POU2F1: variants seen among roughly 807,000 people sequenced by gnomAD.
POU2F1 encodes the protein POU class 2 homeobox 1, also known as POU domain, class 2, transcription factor 1.
A neutral mutation model predicts 84.9 loss-of-function variants in POU2F1; 16 were observed. That is an observed-to-expected ratio of 0.19 (90% CI 0.13 to 0.29). The LOEUF is 0.29. POU2F1 is among the 10% of genes least tolerant of loss of function. The pLI, the probability that POU2F1 is intolerant of heterozygous loss-of-function variation, is 1.00. For missense variants in POU2F1, 738 were observed against 942.6 expected (o/e 0.78, Z 2.84); for synonymous variants, 368 against 368.3 (o/e 1.00, Z 0.01).
intron 2 of POU2F1, among the ~76,000 whole-genome samples, chr1:167,336,313 TGTGA>T (rs1657441012): frequency 6.6e-6 from 1 of 152,236 alleles, no homozygotes; most frequent in African/African-American, 2.4e-5. Flanking sequence ...TCTCAAGTAT[TGTGA>T]GTATCCATTT....
chr1:167,319,138 G>C (rs1323878996), intron 1 of POU2F1: 1 of 153,582 alleles, frequency 6.5e-6, no homozygotes, highest in Non-Finnish European at 1.5e-5. Flanking sequence ...TGCAACCAGG[G>C]GGTTTTTGGG....
chr1:167,228,306 G>C (rs1241173466), intron 1 of POU2F1, among the ~76,000 whole-genome samples: 3 of 152,194 alleles, frequency 2.0e-5, no homozygotes, highest in African/African-American at 7.2e-5. Context: ...GTTTGAAATA[G>C]GAAGGGAGAG....
At chr1:167,314,072 A>G (rs1655702368) in intron 1 of POU2F1, among the ~76,000 whole-genome samples, 1 of 152,040 alleles carries the variant, frequency 6.6e-6, no homozygotes, top group African/African-American at 2.4e-5. Context: ...GGTGGCATGC[A>G]CCTGTAATCC....
At chr1:167,288,701 C>CA (rs1317166195) in intron 1 of POU2F1, among the ~76,000 whole-genome samples, 4 of 151,946 alleles carry the variant, frequency 2.6e-5, no homozygotes, top group South Asian at 2.1e-4. Context: ...ACAGCAACAA[C>CA]AAAAAAACAA....
chr1:167,227,623 T>G (rs912541395), intron 1 of POU2F1, among the ~76,000 whole-genome samples: 25 of 152,172 alleles, frequency 1.6e-4, no homozygotes, highest in Non-Finnish European at 3.7e-4. Flanking sequence ...ATATTATAAT[T>G]AATGTTTTAA....
chr1:167,302,473 G>T (rs1208481666), intron 1 of POU2F1, among the ~76,000 whole-genome samples: 1 of 151,992 alleles, frequency 6.6e-6, no homozygotes, highest in Non-Finnish European at 1.5e-5. Flanking sequence ...TGGCTAAGAG[G>T]GTCTCCTTCT....
intron 2 of POU2F1, among the ~76,000 whole-genome samples, chr1:167,335,183 A>G (rs1002740064): frequency 5.9e-5 from 9 of 152,228 alleles, no homozygotes; most frequent in Non-Finnish European, 1.0e-4. Flanking sequence ...AAGTACTATA[A>G]TCAGTGTTAT....
intron 1 of POU2F1, among the ~76,000 whole-genome samples, chr1:167,267,612 G>C (rs1652058854): frequency 7.7e-6 from 1 of 130,020 alleles, no homozygotes; most frequent in African/African-American, 2.8e-5. Context: ...CATTGTGAAA[G>C]TATCACAGTT....
chr1:167,404,647 A>G (rs950712383), intron 13 of POU2F1, among the ~76,000 whole-genome samples: 1 of 152,108 alleles, frequency 6.6e-6, no homozygotes, highest in Non-Finnish European at 1.5e-5. Context: ...TGTGAGAGCT[A>G]TTATGTGAAT....
At chr1:167,269,843 G>A (rs1452848216) in intron 1 of POU2F1, among the ~76,000 whole-genome samples, 1 of 149,816 alleles carries the variant, frequency 6.7e-6, no homozygotes, top group Non-Finnish European at 1.5e-5. Flanking sequence ...GAACCTGGGT[G>A]ACAGAGGTTG....
chr1:167,389,762 G>A lies in POU2F1; in HGVS notation c.987+1G>A. On this transcript the variant is annotated splice_donor_variant, in intron 9 of 15. Coordinates refer to ENST00000367866, the MANE Select transcript of POU2F1 (RefSeq NM_002697.4). LOFTEE classifies it high-confidence loss of function. ...ACGAATCAAACTTGGATTCACTCAG[G>A]TAGGGTGAATTGGCCTTACATTGAT... The A allele has an allele frequency of 6.2e-7, 1 of 1,612,310 alleles. No individual in the cohort carries two copies. The highest frequency in any genetic ancestry group is 8.5e-7 in the Non-Finnish European group (1 of 1,179,120).
chr1:167,275,519 G>C (rs1326769180), intron 1 of POU2F1, among the ~76,000 whole-genome samples: 1 of 152,096 alleles, frequency 6.6e-6, no homozygotes, highest in African/African-American at 2.4e-5. Flanking sequence ...GCCAAATACT[G>C]TGTCTAATTC....
At chr1:167,345,705 C>T (rs917822656) in intron 2 of POU2F1, among the ~76,000 whole-genome samples, 6 of 152,106 alleles carry the variant, frequency 3.9e-5, no homozygotes, top group African/African-American at 1.2e-4. Context: ...TAATTTTCTC[C>T]ACCAACAAAA....
intron 9 of POU2F1, among the ~76,000 whole-genome samples, chr1:167,393,024 C>A (rs1648535716): frequency 6.6e-6 from 1 of 152,142 alleles, no homozygotes; most frequent in South Asian, 2.1e-4. Context: ...TAAAGGATTA[C>A]CATGGCTGTC....
At chr1:167,337,173 A>T (rs1343341362) in intron 2 of POU2F1, among the ~76,000 whole-genome samples, 1 of 151,766 alleles carries the variant, frequency 6.6e-6, no homozygotes, top group Admixed American at 6.6e-5. Flanking sequence ...CAAAAGAAAA[A>T]AAAAAAAGCT....
intron 2 of POU2F1, among the ~76,000 whole-genome samples, chr1:167,350,293 G>C (rs138073789): frequency 1.8e-4 from 28 of 152,094 alleles, no homozygotes; most frequent in African/African-American, 6.8e-4. Flanking sequence ...TTTGGTCTCC[G>C]TTGAGAATGA....
At chr1:167,393,075 T>G (rs1158214012) in intron 9 of POU2F1, among the ~76,000 whole-genome samples, 1 of 152,256 alleles carries the variant, frequency 6.6e-6, no homozygotes, top group Non-Finnish European at 1.5e-5. Flanking sequence ...AATACATTTA[T>G]CACATGTGGT....
At position 167,415,595 on chromosome 1, in the gene POU2F1, G is replaced by T; in HGVS notation, c.2086G>T (p.Ala696Ser). ...GGGAGGAGCCCCCAACATCGTGACT[G>T]CCCCTCTGTTCCTGAACCCTCAGAA... ...NAGGAPNIVT[A>S]PLFLNPQNLS... Residue 696 changes from alanine to serine, a missense_variant, in exon 16 of 16, where the codon GCC (alanine) becomes TCC (serine). Transcript: ENST00000367866. The T allele has an allele frequency of 6.2e-7, 1 of 1,614,128 alleles. No individual in the cohort carries two copies. The highest frequency in any genetic ancestry group is 8.5e-7 in the Non-Finnish European group (1 of 1,180,012).
chr1:167,226,044 A>G (rs1349068412), intron 1 of POU2F1, among the ~76,000 whole-genome samples: 1 of 152,246 alleles, frequency 6.6e-6, no homozygotes, highest in African/African-American at 2.4e-5. Context: ...ATTTAGAACT[A>G]TTCAGGTAAT....
Sources: gnomAD v4.1 joint callset for allele counts (sites outside exome capture counted in the v4.1 genomes callset) on GRCh38, gnomAD v4.1.1 for gene constraint, MANE v1.5 for transcripts, NCBI Gene and HGNC (gene_info 2026-07-23, HGNC 2026-07-21) for gene names.